The following PTPRN2 variants were observed in gnomAD, a reference collection of about 807,000 sequenced individuals.
The protein encoded by PTPRN2 is protein tyrosine phosphatase receptor type N2, also known as receptor-type tyrosine-protein phosphatase N2.
A neutral mutation model predicts 118.8 loss-of-function variants in PTPRN2; 74 were observed. The observed-to-expected ratio is 0.62, with a 90% CI of 0.52 to 0.76. The LOEUF is 0.76. Among genes scored for constraint, PTPRN2 ranks in the 30% least tolerant of loss-of-function variants. The pLI, the probability that PTPRN2 is intolerant of heterozygous loss-of-function variation, is 0.00. For missense variants in PTPRN2, 1,481 were observed against 1,394.4 expected (o/e 1.06, Z -0.99); for synonymous variants, 641 against 608.0 (o/e 1.05, Z -0.80).
Position 157,650,119 on chromosome 7 carries a change from C to T in PTPRN2, c.2196+6238G>A, listed in dbSNP as rs142848378. On this transcript the variant is annotated intron_variant, in intron 14 of 22. Coordinates refer to ENST00000389418, the MANE Select transcript of PTPRN2 (RefSeq NM_002847.5). ...AGAGCCGGCTACTATGGCACCTGGA[C>T]GCTCCTCCTCTCCTGGCTCTGCCTC... Among the ~76,000 whole-genome samples the T allele has an allele frequency of 3.0e-3, 457 of 152,292 alleles. 5 individuals carry two copies. Among genetic ancestry groups the T allele is most frequent in the African/African-American group, 0.01 (430 of 41,572 alleles).
At chr7:158,556,730 G>C (rs1586935806) in intron 1 of PTPRN2, among the ~76,000 whole-genome samples, 1 of 145,494 alleles carries the variant, frequency 6.9e-6, no homozygotes, top group South Asian at 2.3e-4. Flanking sequence ...CAGGTCAGGC[G>C]GCTCCCGGGC....
In PTPRN2 at chr7:157,585,865, G is replaced by A. The variant is rs555229874; in HGVS notation, c.2497-7725C>T. On this transcript the variant is annotated intron_variant, in intron 17 of 22. Transcript: ENST00000389418. The surrounding 1 kb of genome is among the most constrained non-coding windows in gnomAD (Gnocchi z 5.2). ...CAGTAAGAATCAGTCAGAAAGGAAAGCCGGACCTGTCCTTTCTACTTGAGT... is the reference window on the plus strand; with the variant it reads ...CAGTAAGAATCAGTCAGAAAGGAAAACCGGACCTGTCCTTTCTACTTGAGT... Among the ~76,000 whole-genome samples the A allele has an allele frequency of 6.6e-6, 1 of 152,298 alleles. No homozygotes were observed. Among genetic ancestry groups the A allele is most frequent in the African/African-American group, 2.4e-5 (1 of 41,562 alleles).
In PTPRN2 at chr7:158,345,283, G is replaced by A. The variant is rs1003709134; in HGVS notation, c.164-28351C>T. ...CCTAACTGCCTGTCTCCTGGCCAAC[G>A]GGAAGACAGGTTTTTTGTCTTACTT... On this transcript the variant is annotated intron_variant, in intron 2 of 22. Coordinates refer to ENST00000389418, the MANE Select transcript of PTPRN2 (RefSeq NM_002847.5). Among the ~76,000 whole-genome samples, 8 of 152,294 alleles carry A rather than the reference G, an allele frequency of 5.3e-5. No homozygotes were observed. The East Asian group carries it at 9.7e-4, about 18-fold the overall frequency.
chr7:158,581,892 C>T, intron 1 of PTPRN2, among the ~76,000 whole-genome samples: 1 of 152,236 alleles, frequency 6.6e-6, no homozygotes. Context: ...AAGCCACCCA[C>T]TTACCAGCCT....
intron 2 of PTPRN2, among the ~76,000 whole-genome samples, chr7:158,334,694 CCAT>C (rs1183656156): frequency 1.8e-4 from 9 of 51,162 alleles, no homozygotes; most frequent in African/African-American, 6.4e-4. Context: ...CACACTCTCA[CCAT>C]AAGAGGTGAC....
chr7:158,119,104 T>A (rs914273343), intron 9 of PTPRN2, among the ~76,000 whole-genome samples: 1 of 152,182 alleles, frequency 6.6e-6, no homozygotes, highest in African/African-American at 2.4e-5. Flanking sequence ...GAAAGTAAAA[T>A]ATTTACATCA....
intron 16 of PTPRN2, among the ~76,000 whole-genome samples, chr7:157,602,285 C>G (rs980893348): frequency 2.0e-5 from 3 of 152,232 alleles, no homozygotes; most frequent in African/African-American, 7.2e-5. Flanking sequence ...CCACGAATTG[C>G]GGGAAAACGG....
Position 158,149,028 on chromosome 7 carries a change from G to A in PTPRN2, c.911-10513C>T, listed in dbSNP as rs113829495. On this transcript the variant is annotated intron_variant, in intron 6 of 22. Transcript: ENST00000389418. ...TCAATGACATCCCATCTCACGCCAC[G>A]TGTCTTTCCCTCTCACTGACACCCC... Among the ~76,000 whole-genome samples the A allele has an allele frequency of 4.9e-3, 429 of 87,532 alleles. 13 individuals carry two copies. The highest frequency in any genetic ancestry group is 0.02 in the African/African-American group (296 of 14,690). The allele number at this position is 87,532 out of a possible 152,430, so 57.4% of individuals were successfully genotyped here. A position where few individuals can be genotyped will look rare whatever the true frequency, so the allele number is the denominator to read the frequency against.
intron 14 of PTPRN2, among the ~76,000 whole-genome samples, chr7:157,648,793 C>T (rs201036118): frequency 0.1 from 13,734 of 131,232 alleles, 355 homozygotes; most frequent in East Asian, 0.22. Flanking sequence ...GTGCACTGAA[C>T]TCGGTGGGTC....
intron 4 of PTPRN2, among the ~76,000 whole-genome samples, chr7:158,196,353 C>A (rs923158884): frequency 2.0e-5 from 3 of 152,340 alleles, no homozygotes; most frequent in Middle Eastern, 3.4e-3. Context: ...GCACCACTGT[C>A]CCTGAGGCAG....
chr7:158,382,833 CAATT>C (rs754820763), intron 2 of PTPRN2, among the ~76,000 whole-genome samples: 7 of 152,216 alleles, frequency 4.6e-5, no homozygotes, highest in South Asian at 2.1e-4. Flanking sequence ...CACAATCAAT[CAATT>C]GCTTGCAGAC....
intron 12 of PTPRN2, among the ~76,000 whole-genome samples, chr7:157,766,892 G>A (rs1701573392): frequency 6.6e-6 from 1 of 152,190 alleles, no homozygotes; most frequent in South Asian, 2.1e-4. Flanking sequence ...TCTTTTCTGG[G>A]CTTATGTCTC....
Position 157,679,079 on chromosome 7 carries a change from GTGTGTGTACA to G in PTPRN2, c.2001+3636_2001+3645del, listed in dbSNP as rs529551575. Among the ~76,000 whole-genome samples, 7 of 152,104 alleles carry G rather than the reference GTGTGTGTACA, an allele frequency of 4.6e-5. No homozygotes were observed. In the East Asian group the frequency reaches 1.4e-3, roughly 29 times the overall value. On this transcript the variant is annotated intron_variant, in intron 13 of 22. Transcript: ENST00000389418. ...TGTCTTCACATTATCCTTAGTGTGT[GTGTGTGTACA>G]TGTGTGTATAAATATATATATACAC...
rs1393555304 is a variant in PTPRN2 at position 157,787,509 on chromosome 7, A to AG, written c.1789-104573dup. Among the ~76,000 whole-genome samples the AG allele has an allele frequency of 3.3e-5, 5 of 151,990 alleles. No homozygotes were observed. In the East Asian group the frequency reaches 9.7e-4, roughly 29 times the overall value. On this transcript the variant is annotated intron_variant, in intron 12 of 22. Transcript: ENST00000389418. The surrounding 1 kb of genome is among the most constrained non-coding windows in gnomAD (Gnocchi z 5.3). ...CGGGCAGGGGGCTTCCCCACAGTCT[A>AG]GGGGGCCAGGAGAGCCCCTGGGCCT...
At chr7:158,302,443 C>G (rs965545217) in intron 3 of PTPRN2, among the ~76,000 whole-genome samples, 3 of 152,240 alleles carry the variant, frequency 2.0e-5, no homozygotes, top group Non-Finnish European at 4.4e-5. Context: ...TCAGCTCGGT[C>G]CTCTTAAACT....
intron 3 of PTPRN2, among the ~76,000 whole-genome samples, chr7:158,267,826 G>A (rs1797983975): frequency 6.6e-6 from 1 of 152,212 alleles, no homozygotes; most frequent in African/African-American, 2.4e-5. Context: ...TCTACAGCAA[G>A]AGCTCTGGGC....
At chr7:157,758,244 A>G (rs1401452063) in intron 12 of PTPRN2, among the ~76,000 whole-genome samples, 1 of 152,250 alleles carries the variant, frequency 6.6e-6, no homozygotes, top group African/African-American at 2.4e-5. Flanking sequence ...AATATGGATG[A>G]TGACGAGCGT....
Position 157,990,702 on chromosome 7 carries a change from G to A in PTPRN2, c.1723+90596C>T, listed in dbSNP as rs1256613708. ...AAACAGCCTCTCATGTTGCTGGGCC[G>A]GTGCTCAGGAGCTGGGGCTGCCTGG... On this transcript the variant is annotated intron_variant, in intron 11 of 22. Coordinates refer to ENST00000389418, the MANE Select transcript of PTPRN2 (RefSeq NM_002847.5). This position sits in a 1 kb window ranked among gnomAD's most constrained non-coding sequence, Gnocchi z 4.3. Among the ~76,000 whole-genome samples, 1 of 152,160 alleles carries A rather than the reference G, an allele frequency of 6.6e-6. No homozygotes were observed. Among genetic ancestry groups the A allele is most frequent in the Non-Finnish European group, 1.5e-5 (1 of 68,030 alleles).
chr7:158,531,365 C>A (rs1449565650), intron 1 of PTPRN2, among the ~76,000 whole-genome samples: 1 of 152,364 alleles, frequency 6.6e-6, no homozygotes. Flanking sequence ...GGCTGCCACC[C>A]TCCATGAACT....
Sources: allele counts gnomAD v4.1 joint callset (sites outside exome capture counted in the v4.1 genomes callset), GRCh38; gene constraint gnomAD v4.1.1; non-coding constraint Gnocchi (gnomAD v3.1); transcripts MANE v1.5; gene names NCBI Gene and HGNC (gene_info 2026-07-23, HGNC 2026-07-21).